Variants in UNC5D observed in about 807,000 individuals in gnomAD.
UNC5D encodes unc-5 netrin receptor D, also known as netrin receptor UNC5D.
In UNC5D, 39 loss-of-function variants were observed where a neutral mutation model predicts 105.4. The ratio of observed to expected loss-of-function variants is 0.37; its 90% CI spans 0.29 to 0.48. UNC5D has a LOEUF of 0.48. Among genes scored for constraint, UNC5D ranks in the 20% least tolerant of loss-of-function variants. The probability of loss-of-function intolerance (pLI) is 0.98; values close to 1 mark genes in which losing one functional copy is unlikely to be tolerated. For synonymous variants in UNC5D, 452 were observed against 450.4 expected (o/e 1.00, Z -0.04); for missense variants, 991 against 1,202.4 (o/e 0.82, Z 2.60).
chr8:35,268,902 C>T (rs1805080399), intron 1 of UNC5D, among the ~76,000 whole-genome samples: 1 of 151,998 alleles, frequency 6.6e-6, no homozygotes, highest in Non-Finnish European at 1.5e-5. Flanking sequence ...ATTGGGGATC[C>T]AATAAAAATT....
chr8:35,246,916 T>C (rs1803138639), intron 1 of UNC5D, among the ~76,000 whole-genome samples: 1 of 152,062 alleles, frequency 6.6e-6, no homozygotes, highest in Admixed American at 6.6e-5. Flanking sequence ...TGTTTCCCAT[T>C]TGCAAAGAAA....
intron 4 of UNC5D, among the ~76,000 whole-genome samples, chr8:35,658,296 G>A (rs936675357): frequency 6.6e-6 from 1 of 152,076 alleles, no homozygotes; most frequent in Non-Finnish European, 1.5e-5. Context: ...TTCATGAATG[G>A]CATCAATTTA....
At chr8:35,564,490 GA>G (rs1400116050) in intron 2 of UNC5D, among the ~76,000 whole-genome samples, 1 of 152,064 alleles carries the variant, frequency 6.6e-6, no homozygotes, top group Non-Finnish European at 1.5e-5. Context: ...GCCCAGAGAG[GA>G]AAACATAAAG....
chr8:35,288,783 G>A (rs1168845632), intron 1 of UNC5D, among the ~76,000 whole-genome samples: 2 of 152,154 alleles, frequency 1.3e-5, no homozygotes, highest in Non-Finnish European at 2.9e-5. Context: ...GCTTAAAGTA[G>A]CCTTTCATAA....
chr8:35,359,843 G>C (rs531889252), intron 1 of UNC5D, among the ~76,000 whole-genome samples: 1 of 152,218 alleles, frequency 6.6e-6, no homozygotes, highest in South Asian at 2.1e-4. Flanking sequence ...GATTTGCCCT[G>C]CCTCCAGATC....
At chr8:35,779,430 T>C (rs916992400) in intron 16 of UNC5D, among the ~76,000 whole-genome samples, 1 of 152,190 alleles carries the variant, frequency 6.6e-6, no homozygotes, top group African/African-American at 2.4e-5. Flanking sequence ...ATGAACGATA[T>C]GAACTCTTTC....
At chr8:35,251,723 C>T (rs1258822772) in intron 1 of UNC5D, among the ~76,000 whole-genome samples, 2 of 152,124 alleles carry the variant, frequency 1.3e-5, no homozygotes, top group Non-Finnish European at 2.9e-5. Context: ...CCTTGTTTTC[C>T]TTTAACCTTC....
intron 1 of UNC5D, among the ~76,000 whole-genome samples, chr8:35,529,330 C>G (rs1335331482): frequency 8.3e-6 from 1 of 119,808 alleles, no homozygotes; most frequent in Admixed American, 8.7e-5. Flanking sequence ...GCTTGTTTTT[C>G]TCAGGTTTGT....
chr8:35,341,286 G>GA (rs1302701306), intron 1 of UNC5D, among the ~76,000 whole-genome samples: 2 of 151,730 alleles, frequency 1.3e-5, no homozygotes, highest in African/African-American at 4.8e-5. Flanking sequence ...TATCTATGGG[G>GA]AAAAAAAGGC....
At chr8:35,323,287 T>C (rs1809894995) in intron 1 of UNC5D, among the ~76,000 whole-genome samples, 1 of 151,678 alleles carries the variant, frequency 6.6e-6, no homozygotes, top group Non-Finnish European at 1.5e-5. Context: ...AGGATTAAGC[T>C]TTTGGAGAAA....
chr8:35,394,908 AC>A (rs1478018256), intron 1 of UNC5D, among the ~76,000 whole-genome samples: 1 of 152,172 alleles, frequency 6.6e-6, no homozygotes, highest in Non-Finnish European at 1.5e-5. Context: ...AGTGTTTCAT[AC>A]CCTTTTTGTA....
At chr8:35,268,304 C>T (rs989514216) in intron 1 of UNC5D, among the ~76,000 whole-genome samples, 4 of 151,428 alleles carry the variant, frequency 2.6e-5, no homozygotes, top group Non-Finnish European at 4.4e-5. Context: ...ACCTGAAAAA[C>T]GTGGATGGAA....
chr8:35,572,804 CTTTTTT>C (rs34528421), intron 3 of UNC5D, among the ~76,000 whole-genome samples: 199 of 135,868 alleles, frequency 1.5e-3, no homozygotes, highest in African/African-American at 5.0e-3. Context: ...TTTTATATTT[CTTTTTT>C]TTTTTTTTTT....
rs958737104 is a variant in UNC5D at position 35,762,961 on chromosome 8, G to A, written c.2313+3492G>A. Among the ~76,000 whole-genome samples the A allele has an allele frequency of 7.2e-5, 11 of 152,164 alleles. 1 individual carries two copies. In the East Asian group the frequency reaches 7.7e-4, roughly 11 times the overall value. ...TAGGAGTCAAAATGAAAACATTTCC[G>A]GAATTCTTTAAACACCCATAACTTT... is the stretch of plus-strand genomic sequence containing the variant. On this transcript the variant is annotated intron_variant, in intron 14 of 16. Coordinates refer to ENST00000404895, the MANE Select transcript of UNC5D (RefSeq NM_080872.4).
chr8:35,564,071 T>C (rs1817153576), intron 2 of UNC5D, among the ~76,000 whole-genome samples: 1 of 152,178 alleles, frequency 6.6e-6, no homozygotes, highest in Non-Finnish European at 1.5e-5. Flanking sequence ...TTTGTTGTTA[T>C]TATTGTGTCT....
At chr8:35,470,807 T>TAAATAAATA (rs1554538816) in intron 1 of UNC5D, among the ~76,000 whole-genome samples, 3,198 of 130,420 alleles carry the variant, frequency 0.025, 46 homozygotes, top group African/African-American at 0.049. Flanking sequence ...AATAAATAAA[T>TAAATAAATA]AAATAAAATA....
At chr8:35,768,172 T>C (rs917181745) in intron 15 of UNC5D, among the ~76,000 whole-genome samples, 7 of 152,124 alleles carry the variant, frequency 4.6e-5, no homozygotes, top group Non-Finnish European at 1.0e-4. Context: ...TTTGAATTCA[T>C]TGTTTATGCA....
intron 2 of UNC5D, among the ~76,000 whole-genome samples, chr8:35,558,659 C>A (rs1816719582): frequency 6.6e-6 from 1 of 152,104 alleles, no homozygotes; most frequent in South Asian, 2.1e-4. Flanking sequence ...GTTCATGGTT[C>A]TTTCAAGAAA....
intron 1 of UNC5D, among the ~76,000 whole-genome samples, chr8:35,301,693 A>G (rs1807970776): frequency 6.6e-6 from 1 of 152,202 alleles, no homozygotes; most frequent in Non-Finnish European, 1.5e-5. Flanking sequence ...TTCTTAGGTT[A>G]GGTTGTTGCA....
Sources: allele counts gnomAD v4.1 joint callset (sites outside exome capture counted in the v4.1 genomes callset), GRCh38; gene constraint gnomAD v4.1.1; transcripts MANE v1.5; gene names NCBI Gene and HGNC (gene_info 2026-07-23, HGNC 2026-07-21).